HIPK2: variants seen among roughly 807,000 people sequenced by gnomAD.
HIPK2 encodes homeodomain interacting protein kinase 2, also known as homeodomain-interacting protein kinase 2.
HIPK2 carries 27 observed loss-of-function variants against 113.7 expected under a neutral mutation model. The ratio of observed to expected loss-of-function variants is 0.24; its 90% CI spans 0.17 to 0.33. HIPK2 has a LOEUF of 0.33. Ranked by LOEUF, HIPK2 falls within the 10% of genes least tolerant of loss-of-function variation. The probability of loss-of-function intolerance (pLI) is 1.00; values close to 1 mark genes in which losing one functional copy is unlikely to be tolerated. For missense variants in HIPK2, 1,257 were observed against 1,588.0 expected, an observed-to-expected ratio of 0.79 and a Z score of 3.54; for synonymous variants, 631 against 642.2, an observed-to-expected ratio of 0.98 and a Z score of 0.26.
intron 2 of HIPK2, among the ~76,000 whole-genome samples, chr7:139,696,460 G>A (rs1368239723): frequency 1.3e-5 from 2 of 152,006 alleles, no homozygotes; most frequent in Non-Finnish European, 2.9e-5. Flanking sequence ...ACACACACCT[G>A]TAGCCCCAGC....
chr7:139,596,990 G>A lies in HIPK2; in HGVS notation c.2444C>T (p.Ser815Phe), dbSNP rs1276662845. 1.3e-6 allele frequency: 2 copies of A among 1,591,072 alleles called. No individual in the cohort carries two copies. The highest frequency in any genetic ancestry group is 1.1e-5 in the South Asian group (1 of 90,572). ...KQHQSSVRNVSTCEVSSSQAI... is the reference protein window; with the variant it reads ...KQHQSSVRNVFTCEVSSSQAI... Reference sequence around the variant, plus strand: ...CTGAGAGGAGGACACCTCACAGGTGGAGACATTTCTGTAATGAGAAAACCA... The same window carrying A: ...CTGAGAGGAGGACACCTCACAGGTGAAGACATTTCTGTAATGAGAAAACCA... Residue 815 changes from serine to phenylalanine, a missense_variant, in exon 12 of 15, where the codon TCC becomes TTC. Ser to Phe is a radical substitution (Grantham distance 155, BLOSUM62 -2). This residue lies in a region of HIPK2 where 862 missense variants were observed against 1,004.3 expected (regional missense o/e 0.86). Coordinates refer to ENST00000406875, the MANE Select transcript of HIPK2 (RefSeq NM_022740.5).
At chr7:139,770,121 G>A (rs1043992314) in intron 1 of HIPK2, among the ~76,000 whole-genome samples, 1 of 152,228 alleles carries the variant, frequency 6.6e-6, no homozygotes, top group African/African-American at 2.4e-5. Flanking sequence ...TCAGGAAGGT[G>A]TAACTTGCTG....
rs567307034 is a variant in HIPK2 at position 139,584,063 on chromosome 7, T to G, written c.2719A>C (p.Thr907Pro). Residue 907 changes from threonine (T) to proline (P), a missense_variant and splice_region_variant, in exon 13 of 15, where the codon ACT becomes CCT. Thr to Pro is a conservative substitution (Grantham distance 38, BLOSUM62 -1). This residue lies in a region of HIPK2 where 862 missense variants were observed against 1,004.3 expected (regional missense o/e 0.86). Transcript: ENST00000406875. ...EEEQKHAPTS[T>P]VSKQRKNVIS... is the part of the protein sequence containing the mutation. ...ACGTTTTTTCTTTGCTTGGAGACAG[T>G]GCTGAAAATGCAAAGGGAGAAGTCA... 1.3e-6 allele frequency: 2 copies of G among 1,575,662 alleles called. No homozygotes were observed. Among genetic ancestry groups the G allele is most frequent in the Admixed American group, 3.5e-5 (2 of 57,208 alleles).
In HIPK2 at chr7:139,563,139, G is replaced by C. The variant is rs1797995653; in HGVS notation, c.*9788C>G. The stretch of plus-strand genomic sequence containing the variant: ...TCTGCTTGGGGTGGGGCGGGGCGGG[G>C]GTGTGCTCTCTGTTCCATTTGTTAG... On this transcript the variant is annotated 3_prime_UTR_variant, in exon 15 of 15. Transcript: ENST00000406875. 6.6e-6 allele frequency: 1 copy of C among 152,018 alleles called. No individual in the cohort carries two copies. The highest frequency in any genetic ancestry group is 2.1e-4 in the South Asian group (1 of 4,816). The allele number at this position is 152,018 out of a possible 1,614,324, so 9.4% of individuals were successfully genotyped here.
intron 9 of HIPK2, among the ~76,000 whole-genome samples, chr7:139,608,456 CTA>C (rs1023519254): frequency 2.0e-5 from 3 of 150,866 alleles, no homozygotes; most frequent in African/African-American, 7.3e-5. Context: ...TATAATTTTC[CTA>C]TAAGTTTATG....
chr7:139,704,275 A>C (rs1270965868), intron 2 of HIPK2, among the ~76,000 whole-genome samples: 1 of 114,460 alleles, frequency 8.7e-6, no homozygotes, highest in Non-Finnish European at 1.7e-5. Context: ...CCCAACATAC[A>C]CACCCAACAC....
At chr7:139,625,917 C>G (rs528159151) in intron 6 of HIPK2, among the ~76,000 whole-genome samples, 1 of 152,218 alleles carries the variant, frequency 6.6e-6, no homozygotes, top group Non-Finnish European at 1.5e-5. Context: ...GTTCTGGGAG[C>G]AATCTTTGGC....
intron 2 of HIPK2, among the ~76,000 whole-genome samples, chr7:139,667,898 T>A (rs1172800767): frequency 6.6e-6 from 1 of 151,888 alleles, no homozygotes; most frequent in Non-Finnish European, 1.5e-5. Context: ...GAGGCCGAGA[T>A]GGGTGGATCA....
intron 2 of HIPK2, 61 bp downstream of exon 2, chr7:139,715,871 A>G (rs2116944156): frequency 6.4e-7 from 1 of 1,564,506 alleles, no homozygotes; most frequent in East Asian, 2.3e-5. Flanking sequence ...CTAAGGTGGC[A>G]CATTCTCTGT....
At chr7:139,763,955 G>T (rs1796512923) in intron 1 of HIPK2, among the ~76,000 whole-genome samples, 1 of 152,046 alleles carries the variant, frequency 6.6e-6, no homozygotes, top group Admixed American at 6.6e-5. Context: ...GTGTTTTGTT[G>T]GTGATTTTGC....
chr7:139,696,582 C>CA (rs1334825673), intron 2 of HIPK2, among the ~76,000 whole-genome samples: 139,840 of 146,146 alleles, frequency 0.96, 67,070 homozygotes, highest in South Asian at 0.99. Flanking sequence ...GACCCTGCCT[C>CA]AAAAAAAAAA....
intron 9 of HIPK2, among the ~76,000 whole-genome samples, chr7:139,611,241 T>C (rs2116765985): frequency 6.6e-6 from 1 of 152,312 alleles, no homozygotes; most frequent in Non-Finnish European, 1.5e-5. Context: ...CAGATAAGGA[T>C]TTTATAAAAA....
intron 2 of HIPK2, among the ~76,000 whole-genome samples, chr7:139,674,085 T>G (rs1802408295): frequency 6.6e-6 from 1 of 151,376 alleles, no homozygotes; most frequent in Non-Finnish European, 1.5e-5. Context: ...AAAGAAAAAT[T>G]TGCTGACTTT....
intron 2 of HIPK2, among the ~76,000 whole-genome samples, chr7:139,704,657 G>T (rs139391097): frequency 6.6e-6 from 1 of 152,288 alleles, no homozygotes; most frequent in African/African-American, 2.4e-5. Context: ...GTCTTCAGGG[G>T]AGTCTTAAAC....
chr7:139,618,384 G>T (rs1800127522), intron 7 of HIPK2, among the ~76,000 whole-genome samples: 1 of 152,012 alleles, frequency 6.6e-6, no homozygotes, highest in African/African-American at 2.4e-5. Flanking sequence ...TCCAATGCAA[G>T]AGAACAGAAA....
rs533563616 is a variant in HIPK2, at chr7:139,574,393, T to C, written c.3126+735A>G. On this transcript the variant is annotated intron_variant, in intron 14 of 14. Transcript: ENST00000406875. ...CCTGTCTTAAAAAAAAAAAGTTGGC[T>C]CTCAGAAGCGTTGCTGTTTGAAGTT... 6.9e-3 allele frequency among the ~76,000 whole-genome samples: 1,045 copies of C among 151,698 alleles called. 9 individuals carry two copies. The highest frequency in any genetic ancestry group is 9.6e-3 in the Non-Finnish European group (649 of 67,884).
chr7:139,562,982 G>T lies in HIPK2; in HGVS notation c.*9945C>A, dbSNP rs1021758052. On this transcript the variant is annotated 3_prime_UTR_variant, in exon 15 of 15. Coordinates refer to ENST00000406875, the MANE Select transcript of HIPK2 (RefSeq NM_022740.5). ...AAAAAATGCACACACAGAGGATGAA[G>T]AGATGATTTGGGGGCTAGAGATGAC... 3 of 152,230 alleles carry T rather than the reference G, an allele frequency of 2.0e-5. No individual in the cohort carries two copies. The highest frequency in any genetic ancestry group is 7.2e-5 in the African/African-American group (3 of 41,456). 9.4% of individuals were successfully genotyped at this position (152,230 alleles called of 1,614,324 possible). A position where few individuals can be genotyped will look rare whatever the true frequency, so the allele number is the denominator to read the frequency against.
intron 2 of HIPK2, among the ~76,000 whole-genome samples, chr7:139,663,683 T>C (rs1801946500): frequency 6.6e-6 from 1 of 152,214 alleles, no homozygotes; most frequent in African/African-American, 2.4e-5. Flanking sequence ...AAACAGGCTT[T>C]TGAGACATTA....
intron 2 of HIPK2, among the ~76,000 whole-genome samples, chr7:139,710,830 C>G (rs971934029): frequency 1.3e-5 from 2 of 152,042 alleles, no homozygotes; most frequent in East Asian, 3.9e-4. Flanking sequence ...TGAGTTCTCA[C>G]GAGATTTGGT....
Sources: gnomAD v4.1 joint callset for allele counts (sites outside exome capture counted in the v4.1 genomes callset) on GRCh38, gnomAD v4.1.1 for gene constraint, gnomAD v4.1.1 regional missense constraint, MANE v1.5 for transcripts, NCBI Gene and HGNC (gene_info 2026-07-23, HGNC 2026-07-21) for gene names.